The following GPR137B variants were observed in gnomAD, a reference collection of about 807,000 sequenced individuals.
GPR137B encodes the protein integral membrane protein GPR137B.
Under a neutral mutation model 42.5 loss-of-function variants are expected in GPR137B, and 42 were observed. That is an observed-to-expected ratio of 0.99 (90% CI 0.77 to 1.28). The LOEUF (loss-of-function observed/expected upper bound fraction) is 1.28, where lower values mean the gene tolerates loss of function less well. GPR137B is among the 50% of genes most tolerant of loss of function. GPR137B has a pLI of 0.00. For synonymous variants in GPR137B, 218 were observed against 209.7 expected (o/e 1.04, Z -0.34); for missense variants, 487 against 493.9 (o/e 0.99, Z 0.13).
chr1:236,182,393 C>G (rs1279629958), intron 4 of GPR137B, among the ~76,000 whole-genome samples: 1 of 151,986 alleles, frequency 6.6e-6, no homozygotes. Flanking sequence ...TGCCTATAAA[C>G]TCTATATATG....
rs188104271 is a variant in GPR137B at position 236,156,554 on chromosome 1, C to G, written c.415-12152C>G. On this transcript the variant is annotated intron_variant, in intron 1 of 6. Transcript: ENST00000366592. The surrounding 1 kb of genome is among the most constrained non-coding windows in gnomAD (Gnocchi z 4.8). ...CATCCTAACGCAGGCATAGAGGCCC[C>G]GCCCTTGCTCGCACTGTCTTGGAGA... 6.6e-6 allele frequency among the ~76,000 whole-genome samples: 1 copy of G among 152,206 alleles called. No homozygotes were observed. Among genetic ancestry groups the G allele is most frequent in the Non-Finnish European group, 1.5e-5 (1 of 68,038 alleles).
At chr1:236,197,204 T>A (rs181440803) in intron 5 of GPR137B, among the ~76,000 whole-genome samples, 1 of 152,360 alleles carries the variant, frequency 6.6e-6, no homozygotes, top group East Asian at 1.9e-4. Flanking sequence ...TGTCTATTCA[T>A]GTCCTTAGCC....
chr1:236,180,111 A>T, intron 4 of GPR137B, 83 bp downstream of exon 4: 1 of 1,131,614 alleles, frequency 8.8e-7, no homozygotes, highest in South Asian at 1.2e-5. Flanking sequence ...CCCAGAAAAT[A>T]CCAAAATCTG....
rs10680855 is a variant in GPR137B, at chr1:236,181,893, A to ATTTTAACCTTTTTTTTT, written c.837+1869_837+1870insAACCTTTTTTTTTTTTT. 9.9e-5 allele frequency among the ~76,000 whole-genome samples: 12 copies of ATTTTAACCTTTTTTTTT among 121,512 alleles called. 2 individuals are homozygous for ATTTTAACCTTTTTTTTT. The highest frequency in any genetic ancestry group is 5.4e-4 in the East Asian group (2 of 3,724). 79.7% of individuals were successfully genotyped at this position (121,512 alleles called of 152,430 possible). A position where few individuals can be genotyped will look rare whatever the true frequency, so the allele number is the denominator to read the frequency against. On this transcript the variant is annotated intron_variant, in intron 4 of 6. Coordinates refer to ENST00000366592, the MANE Select transcript of GPR137B (RefSeq NM_003272.4). ...TAGTAAAATACACATAATATTTGCTATTTTTTTTTTTTTTTTTTGAGACGG... is the reference window on the plus strand; with the variant it reads ...TAGTAAAATACACATAATATTTGCTATTTTAACCTTTTTTTTTTTTTTTTTTTTTTTTTTTGAGACGG...
At chr1:236,146,436 A>C (rs1334766646) in intron 1 of GPR137B, among the ~76,000 whole-genome samples, 1 of 152,092 alleles carries the variant, frequency 6.6e-6, no homozygotes, top group Non-Finnish European at 1.5e-5. Context: ...TTGGGAATGA[A>C]CTGGAAGGAG....
intron 5 of GPR137B, 100 bp from the exon 6 acceptor site, chr1:236,205,020 CAAATGA>C: frequency 1.1e-6 from 1 of 902,402 alleles, no homozygotes; most frequent in Non-Finnish European, 1.8e-6. Context: ...AGCCTACATT[CAAATGA>C]ATAGAACATC....
intron 5 of GPR137B, among the ~76,000 whole-genome samples, chr1:236,202,826 T>A (rs1244675351): frequency 6.6e-6 from 1 of 152,246 alleles, no homozygotes; most frequent in Non-Finnish European, 1.5e-5. Context: ...TTTCTTGTAG[T>A]AGTTTCACAG....
At chr1:236,164,685 A>G (rs915486401) in intron 1 of GPR137B, among the ~76,000 whole-genome samples, 8 of 152,312 alleles carry the variant, frequency 5.3e-5, no homozygotes, top group African/African-American at 1.7e-4. Context: ...TGAGGGCAAA[A>G]GTTGTACTGA....
intron 4 of GPR137B, among the ~76,000 whole-genome samples, chr1:236,181,718 AAC>A (rs1368160521): frequency 9.2e-5 from 14 of 152,244 alleles, no homozygotes; most frequent in African/African-American, 3.4e-4. Flanking sequence ...AACCCAAACC[AAC>A]ACCACAAACA....
In GPR137B at chr1:236,208,295, T is replaced by C. The variant is rs983929271; in HGVS notation, c.*137T>C. On this transcript the variant is annotated 3_prime_UTR_variant, in exon 7 of 7. Transcript: ENST00000366592. ...TTGTTACAGGTTTCCAATGGCCCCA[T>C]AGGAATAAGCAATAATGTAGACTGA... The C allele has an allele frequency of 7.6e-6, 11 of 1,453,100 alleles. No individual in the cohort carries two copies. Among genetic ancestry groups the C allele is most frequent in the African/African-American group, 1.4e-5 (1 of 70,058 alleles). The allele number at this position is 1,453,100 out of a possible 1,614,324, so 90.0% of individuals were successfully genotyped here. A position where few individuals can be genotyped will look rare whatever the true frequency, so the allele number is the denominator to read the frequency against.
At chr1:236,167,741 A>AC (rs910335144) in intron 1 of GPR137B, among the ~76,000 whole-genome samples, 4 of 151,408 alleles carry the variant, frequency 2.6e-5, no homozygotes, top group Non-Finnish European at 4.4e-5. Context: ...GTCCCCAGAG[A>AC]CCCCCCACTG....
At chr1:236,147,801 G>A (rs1661723366) in intron 1 of GPR137B, among the ~76,000 whole-genome samples, 1 of 152,196 alleles carries the variant, frequency 6.6e-6, no homozygotes, top group Admixed American at 6.5e-5. Flanking sequence ...GACCTGGGGT[G>A]AGGTGCCCTG....
At chr1:236,151,616 G>A (rs1161329888) in intron 1 of GPR137B, among the ~76,000 whole-genome samples, 2 of 151,858 alleles carry the variant, frequency 1.3e-5, no homozygotes, top group Non-Finnish European at 2.9e-5. Flanking sequence ...TAGAGACGGG[G>A]TTTCACAATG....
chr1:236,195,894 T>C (rs2385202), intron 5 of GPR137B, among the ~76,000 whole-genome samples: 88,181 of 152,054 alleles, frequency 0.58, 28,939 homozygotes, highest in African/African-American at 0.88. Flanking sequence ...ATCTGTATGT[T>C]GCCTTTCGAG....
At chr1:236,157,310 C>T (rs558882542) in intron 1 of GPR137B, among the ~76,000 whole-genome samples, 2 of 151,916 alleles carry the variant, frequency 1.3e-5, no homozygotes, top group African/African-American at 2.4e-5. Context: ...CTGCAAGCTC[C>T]GCCTCCTGGT....
intron 1 of GPR137B, among the ~76,000 whole-genome samples, chr1:236,147,090 T>G (rs946054589): frequency 5.3e-5 from 8 of 152,210 alleles, no homozygotes; most frequent in Admixed American, 2.0e-4. Context: ...ATTGCAGGCG[T>G]GAGCCACTGT....
chr1:236,147,927 G>A lies in GPR137B; in HGVS notation c.414+4891G>A, dbSNP rs73121049. Among the ~76,000 whole-genome samples the A allele has an allele frequency of 6.1e-3, 926 of 152,326 alleles. 12 individuals carry two copies. Among genetic ancestry groups the A allele is most frequent in the African/African-American group, 0.021 (891 of 41,582 alleles). ...TGGTTCTGCTAACTCTCTCCGGGCC[G>A]TCTGTATGCAGTGTCTGTCTGGCCC... On this transcript the variant is annotated intron_variant, in intron 1 of 6. Transcript: ENST00000366592.
In GPR137B at chr1:236,150,299, TTGTG is replaced by T. The variant is rs1298313318; in HGVS notation, c.414+7267_414+7270del. 1.4e-5 allele frequency among the ~76,000 whole-genome samples: 2 copies of T among 145,166 alleles called. No individual in the cohort carries two copies. The highest frequency in any genetic ancestry group is 2.3e-4 in the South Asian group (1 of 4,442). ...TGCCTGTGTGTGTCTTTGCCTGTGTTTGTGTGTATGTGCCTGTGTGTGTGTCTGT... is the reference window on the plus strand; with the variant it reads ...TGCCTGTGTGTGTCTTTGCCTGTGTTTGTATGTGCCTGTGTGTGTGTCTGT... On this transcript the variant is annotated intron_variant, in intron 1 of 6. Transcript: ENST00000366592. The surrounding 1 kb of genome is among the most constrained non-coding windows in gnomAD (Gnocchi z 6.2).
intron 6 of GPR137B, chr1:236,207,184 G>C: frequency 2.0e-6 from 2 of 984,800 alleles, no homozygotes; most frequent in Non-Finnish European, 2.4e-6. Context: ...CTCAGTGATC[G>C]GGGAGCAGAG....
Sources: gnomAD v4.1 joint callset for allele counts (sites outside exome capture counted in the v4.1 genomes callset) on GRCh38, gnomAD v4.1.1 for gene constraint, Gnocchi (gnomAD v3.1) non-coding constraint, MANE v1.5 for transcripts, NCBI Gene and HGNC (gene_info 2026-07-23, HGNC 2026-07-21) for gene names.